AHCYL2: variants seen among roughly 807,000 people sequenced by gnomAD.
The protein encoded by AHCYL2 is S-adenosylhomocysteine hydrolase-like protein 2.
AHCYL2 carries 28 observed loss-of-function variants against 81.4 expected under a neutral mutation model. The ratio of observed to expected loss-of-function variants is 0.34; its 90% confidence interval spans 0.25 to 0.47. AHCYL2 has a LOEUF of 0.47. Among genes scored for constraint, AHCYL2 ranks in the 20% least tolerant of loss-of-function variants. The pLI, the probability that AHCYL2 is intolerant of heterozygous loss-of-function variation, is 1.00. For synonymous variants in AHCYL2, 272 were observed against 290.2 expected (o/e 0.94, Z 0.64); for missense variants, 551 against 785.1 (o/e 0.70, Z 3.56).
intron 12 of AHCYL2, among the ~76,000 whole-genome samples, chr7:129,421,890 A>G (rs1241865195): frequency 6.6e-6 from 1 of 152,248 alleles, no homozygotes; most frequent in Non-Finnish European, 1.5e-5. Flanking sequence ...TCTTTACTAC[A>G]ATGACTAGAA....
intron 1 of AHCYL2, among the ~76,000 whole-genome samples, chr7:129,241,087 C>T (rs1031818432): frequency 7.2e-5 from 11 of 152,056 alleles, no homozygotes; most frequent in Non-Finnish European, 1.0e-4. Flanking sequence ...TCTTGTGACT[C>T]GGGCAGCATC....
At chr7:129,314,936 C>T (rs1235751117) in intron 1 of AHCYL2, among the ~76,000 whole-genome samples, 1 of 152,102 alleles carries the variant, frequency 6.6e-6, no homozygotes, top group Non-Finnish European at 1.5e-5. Flanking sequence ...TATCTGTTTT[C>T]TCTGAGCCTC....
chr7:129,299,708 G>A (rs1797192583), intron 1 of AHCYL2, among the ~76,000 whole-genome samples: 1 of 151,964 alleles, frequency 6.6e-6, no homozygotes, highest in African/African-American at 2.4e-5. Flanking sequence ...CCAACTTTTA[G>A]GAGTACTTCC....
intron 1 of AHCYL2, among the ~76,000 whole-genome samples, chr7:129,326,494 C>A (rs1056238590): frequency 6.6e-6 from 1 of 152,072 alleles, no homozygotes; most frequent in Non-Finnish European, 1.5e-5. Flanking sequence ...CCATTACACT[C>A]CAGCCTGGGT....
intron 11 of AHCYL2, among the ~76,000 whole-genome samples, chr7:129,412,730 T>C (rs1316675461): frequency 6.6e-6 from 1 of 152,254 alleles, no homozygotes; most frequent in Non-Finnish European, 1.5e-5. Context: ...TGGTACCTCA[T>C]TGTGGTTTTG....
chr7:129,304,356 C>T (rs1420288012), intron 1 of AHCYL2, among the ~76,000 whole-genome samples: 3 of 152,304 alleles, frequency 2.0e-5, no homozygotes, highest in South Asian at 2.1e-4. Flanking sequence ...GTGTATTTTG[C>T]AGCCATTGGA....
rs117821675 is a variant in AHCYL2, at chr7:129,380,352, C to T, written c.475+603C>T. Among the ~76,000 whole-genome samples the T allele has an allele frequency of 2.5e-3, 381 of 152,280 alleles. 9 individuals are homozygous for T. In the East Asian group the frequency reaches 0.057, roughly 23 times the overall value. Reference sequence around the variant, plus strand: ...ACTGTGTAGGACCCCTTGAAGGCATCGGCTAGTATGCTAAACGCTGCCTAG... The same window carrying T: ...ACTGTGTAGGACCCCTTGAAGGCATTGGCTAGTATGCTAAACGCTGCCTAG... On this transcript the variant is annotated intron_variant, in intron 2 of 16. Transcript: ENST00000325006.
At position 129,400,285 on chromosome 7, in the gene AHCYL2, C is replaced by T. The variant is rs571310434; in HGVS notation, c.824-5C>T. ...ATGGTTTCCCTTTGTTCCTTTTTTT[C>T]CCAGGATTTCCTGTTTTTGCCTGGA... On this transcript the variant is annotated splice_polypyrimidine_tract_variant and splice_region_variant and intron_variant, in intron 5 of 16. Transcript: ENST00000325006. 3.2e-5 allele frequency: 52 copies of T among 1,608,722 alleles called. No individual in the cohort carries two copies. In the African/African-American group the frequency reaches 5.9e-4, roughly 18 times the overall value.
rs568041848 is a variant in AHCYL2, at chr7:129,229,945, C to G, written c.363+4506C>G. Among the ~76,000 whole-genome samples, 5 of 152,222 alleles carry G rather than the reference C, an allele frequency of 3.3e-5. No homozygotes were observed. The South Asian group carries it at 1.0e-3, about 32-fold the overall frequency. On this transcript the variant is annotated intron_variant, in intron 1 of 16. Transcript: ENST00000325006. ...TCTTCCTGTTCAGCTAACACTTTTT[C>G]CCTATTCTTTAAGCCTCACCATCTC...
At chr7:129,304,382 A>T (rs1797352869) in intron 1 of AHCYL2, among the ~76,000 whole-genome samples, 1 of 152,228 alleles carries the variant, frequency 6.6e-6, no homozygotes, top group African/African-American at 2.4e-5. Context: ...TGTTCTGTAA[A>T]TATCTATTAG....
intron 1 of AHCYL2, among the ~76,000 whole-genome samples, chr7:129,250,812 T>C (rs1795222399): frequency 6.6e-6 from 1 of 152,224 alleles, no homozygotes; most frequent in African/African-American, 2.4e-5. Context: ...TAAAAATCCC[T>C]TTCTTCCTTG....
chr7:129,355,940 C>G (rs1793721083), intron 1 of AHCYL2, among the ~76,000 whole-genome samples: 1 of 151,898 alleles, frequency 6.6e-6, no homozygotes, highest in African/African-American at 2.4e-5. Flanking sequence ...AGAAAAGTAC[C>G]AGGTAGAGAG....
chr7:129,321,743 G>GTTTTTTTTT, intron 1 of AHCYL2, among the ~76,000 whole-genome samples: 14 of 77,614 alleles, frequency 1.8e-4, no homozygotes, highest in African/African-American at 5.9e-4. Context: ...TTCTTTCTTT[G>GTTTTTTTTT]TTTTTTTTTT....
At chr7:129,393,539 G>A (rs550438666) in intron 4 of AHCYL2, among the ~76,000 whole-genome samples, 7 of 152,046 alleles carry the variant, frequency 4.6e-5, no homozygotes, top group African/African-American at 1.7e-4. Flanking sequence ...TGGAATCATT[G>A]TTTCCTATTT....
intron 1 of AHCYL2, among the ~76,000 whole-genome samples, chr7:129,340,563 G>T (rs1203806865): frequency 1.4e-5 from 2 of 139,720 alleles, no homozygotes; most frequent in Non-Finnish European, 1.5e-5. Context: ...GCGAGACTCC[G>T]TCTCAAAAAA....
At chr7:129,384,367 A>G (rs1465982490) in intron 2 of AHCYL2, among the ~76,000 whole-genome samples, 1 of 150,928 alleles carries the variant, frequency 6.6e-6, no homozygotes, top group Non-Finnish European at 1.5e-5. Flanking sequence ...ATTTAAATGC[A>G]GGATCCATGA....
At chr7:129,237,709 C>T (rs572512965) in intron 1 of AHCYL2, among the ~76,000 whole-genome samples, 4 of 152,032 alleles carry the variant, frequency 2.6e-5, no homozygotes, top group Non-Finnish European at 5.9e-5. Context: ...CTGTGTGGTC[C>T]TTTTCCAAAA....
chr7:129,321,743 G>GTTTTTTTTTTTTTTTTTTTTTTTTTTT, intron 1 of AHCYL2, among the ~76,000 whole-genome samples: 5 of 77,632 alleles, frequency 6.4e-5, no homozygotes, highest in Admixed American at 1.6e-4. Flanking sequence ...TTCTTTCTTT[G>GTTTTTTTTTTTTTTTTTTTTTTTTTTT]TTTTTTTTTT....
chr7:129,243,303 G>A (rs1794932452), intron 1 of AHCYL2, among the ~76,000 whole-genome samples: 3 of 151,442 alleles, frequency 2.0e-5, no homozygotes, highest in Non-Finnish European at 2.9e-5. Flanking sequence ...GATTACAGGC[G>A]TGAGCCACCA....
Sources: allele counts gnomAD v4.1 joint callset (sites outside exome capture counted in the v4.1 genomes callset), GRCh38; gene constraint gnomAD v4.1.1; transcripts MANE v1.5; gene names NCBI Gene and HGNC (gene_info 2026-07-23, HGNC 2026-07-21).